The following CDH20 variants were observed in gnomAD, a reference collection of about 807,000 sequenced individuals.
CDH20 encodes cadherin-20.
Under a neutral mutation model 74.2 loss-of-function variants are expected in CDH20, and 29 were observed. The ratio of observed to expected loss-of-function variants is 0.39; its 90% CI spans 0.29 to 0.53. The LOEUF (loss-of-function observed/expected upper bound fraction) is 0.53, where lower values mean the gene tolerates loss of function less well. Ranked by LOEUF, CDH20 falls within the 20% of genes least tolerant of loss-of-function variation. The pLI, the probability that CDH20 is intolerant of heterozygous loss-of-function variation, is 0.69. For missense variants in CDH20, 988 were observed against 1,048.3 expected, an observed-to-expected ratio of 0.94 and a Z score of 0.79; for synonymous variants, 469 against 405.4, an observed-to-expected ratio of 1.16 and a Z score of -1.88.
rs915911050 is a variant in CDH20 at position 61,478,474 on chromosome 18, G to T, written c.-152-11928G>T. Among the ~76,000 whole-genome samples, 9 of 151,946 alleles carry T rather than the reference G, an allele frequency of 5.9e-5. No individual in the cohort carries two copies. In the East Asian group the frequency reaches 9.6e-4, roughly 16 times the overall value. On this transcript the variant is annotated intron_variant, in intron 1 of 11. Transcript: ENST00000262717. ...TACCTTTGATAAAGGTAGGGATAAA[G>T]GTTCTCTGGGAATCTTTCCCTACCT...
At chr18:61,359,034 A>G (rs993216728) in intron 1 of CDH20, among the ~76,000 whole-genome samples, 4 of 152,190 alleles carry the variant, frequency 2.6e-5, no homozygotes, top group African/African-American at 9.7e-5. Flanking sequence ...CCTCACAAAC[A>G]TCTCTAGAAA....
At position 61,538,608 on chromosome 18, in the gene CDH20, G is replaced by GTTTTTTTTTTTTTTTTTT. The variant is rs1449356386; in HGVS notation, c.1409-411_1409-410insTTTTTTTTTTTTTTTTTT. Among the ~76,000 whole-genome samples, 85 of 36,314 alleles carry GTTTTTTTTTTTTTTTTTT rather than the reference G, an allele frequency of 2.3e-3. 8 individuals carry two copies. The highest frequency in any genetic ancestry group is 4.2e-3 in the Non-Finnish European group (70 of 16,554). The allele number at this position is 36,314 out of a possible 152,430, so 23.8% of individuals were successfully genotyped here. A position where few individuals can be genotyped will look rare whatever the true frequency, so the allele number is the denominator to read the frequency against. On this transcript the variant is annotated intron_variant, in intron 8 of 11. Transcript: ENST00000262717. The stretch of plus-strand genomic sequence containing the variant: ...TGTTTGTTTGTTTGTTTTTGTTTTT[G>GTTTTTTTTTTTTTTTTTT]TTTTTGTTTTTGTTTTGTTTTTTTT...
chr18:61,356,134 C>G (rs1177198648), intron 1 of CDH20, among the ~76,000 whole-genome samples: 1 of 152,180 alleles, frequency 6.6e-6, no homozygotes, highest in African/African-American at 2.4e-5. Flanking sequence ...TTCTGTAATG[C>G]TAGACATGAG....
intron 1 of CDH20, among the ~76,000 whole-genome samples, chr18:61,352,485 C>G (rs1271022933): frequency 1.3e-5 from 2 of 152,108 alleles, no homozygotes; most frequent in East Asian, 3.8e-4. Context: ...TCTCTTTTTA[C>G]TATTTCTGGA....
intron 1 of CDH20, among the ~76,000 whole-genome samples, chr18:61,421,028 G>A (rs927557095): frequency 1.3e-5 from 2 of 152,104 alleles, no homozygotes; most frequent in Admixed American, 6.5e-5. Context: ...TCCAGTCTGG[G>A]TGACAGAGCG....
At chr18:61,540,039 A>C (rs1021657655) in intron 9 of CDH20, among the ~76,000 whole-genome samples, 14 of 152,196 alleles carry the variant, frequency 9.2e-5, no homozygotes, top group South Asian at 2.1e-4. Context: ...CTCCATTTGG[A>C]GTGCCCATGT....
At chr18:61,459,106 C>T (rs184327234) in intron 1 of CDH20, among the ~76,000 whole-genome samples, 10 of 152,038 alleles carry the variant, frequency 6.6e-5, no homozygotes, top group South Asian at 2.1e-4. Flanking sequence ...TAGCTTTGGT[C>T]GTATTATTAT....
intron 1 of CDH20, among the ~76,000 whole-genome samples, chr18:61,372,128 A>C (rs1040346911): frequency 1.3e-5 from 2 of 152,048 alleles, no homozygotes; most frequent in Non-Finnish European, 2.9e-5. Context: ...CACTAAATAA[A>C]AGTTATTTTT....
chr18:61,380,613 C>T (rs747964960), intron 1 of CDH20, among the ~76,000 whole-genome samples: 2 of 152,104 alleles, frequency 1.3e-5, no homozygotes, highest in Non-Finnish European at 2.9e-5. Context: ...AGTTCTATAC[C>T]AGCCTGACCA....
intron 1 of CDH20, among the ~76,000 whole-genome samples, chr18:61,421,951 C>T (rs569085392): frequency 2.2e-4 from 34 of 152,134 alleles, no homozygotes; most frequent in African/African-American, 3.9e-4. Context: ...TTTTCAATAA[C>T]GCTCATATCA....
chr18:61,455,925 C>T (rs568480065), intron 1 of CDH20, among the ~76,000 whole-genome samples: 9 of 152,180 alleles, frequency 5.9e-5, no homozygotes, highest in African/African-American at 1.2e-4. Context: ...AGCATCTTCA[C>T]GTTGAGCATT....
chr18:61,426,858 T>C (rs1471414994), intron 1 of CDH20, among the ~76,000 whole-genome samples: 1 of 152,168 alleles, frequency 6.6e-6, no homozygotes, highest in Non-Finnish European at 1.5e-5. Flanking sequence ...CAAGTATCCC[T>C]GGTAATCTCT....
At chr18:61,489,117 T>A (rs1910870481) in intron 1 of CDH20, among the ~76,000 whole-genome samples, 1 of 152,272 alleles carries the variant, frequency 6.6e-6, no homozygotes, top group African/African-American at 2.4e-5. Context: ...CCTCAGCTAC[T>A]TTCTCTATCA....
intron 1 of CDH20, among the ~76,000 whole-genome samples, chr18:61,349,266 T>C (rs1013434212): frequency 1.3e-5 from 2 of 152,282 alleles, no homozygotes; most frequent in Admixed American, 6.5e-5. Context: ...AATCCAAAAA[T>C]GAACAGGTGA....
At position 61,499,477 on chromosome 18, in the gene CDH20, G is replaced by A. The variant is rs748203202; in HGVS notation, c.538G>A (p.Val180Met). The A allele has an allele frequency of 6.3e-7, 1 of 1,597,620 alleles. No individual in the cohort carries two copies. Among genetic ancestry groups the A allele is most frequent in the South Asian group, 1.1e-5 (1 of 89,202 alleles). Residue 180 changes from valine to methionine, a missense_variant, in exon 3 of 12, where the codon GTG becomes ATG. By Grantham distance (21) the Val-to-Met change is conservative. This residue lies in a region of CDH20 where 613 missense variants were observed against 755.2 expected (regional missense o/e 0.81). Transcript: ENST00000262717. ...YVATVPEMSP[V>M]GTSVIQVTAT... The stretch of plus-strand genomic sequence containing the variant: ...GGCCACTGTGCCAGAAATGTCCCCT[G>A]TGGGTAAGGTGGTGACTCGCTGATT...
chr18:61,500,640 T>G, intron 4 of CDH20, 138 bp downstream of exon 4: 1 of 852,396 alleles, frequency 1.2e-6, no homozygotes, highest in Non-Finnish European at 1.7e-6. Context: ...AGCTTTAGGA[T>G]TAAGAGAGCA....
intron 1 of CDH20, among the ~76,000 whole-genome samples, chr18:61,379,760 A>T (rs536158365): frequency 6.6e-6 from 1 of 152,218 alleles, no homozygotes. Flanking sequence ...GAGTGTCCTG[A>T]TGTAATTTGC....
At chr18:61,552,209 T>C (rs536078400) in intron 11 of CDH20, among the ~76,000 whole-genome samples, 1 of 151,978 alleles carries the variant, frequency 6.6e-6, no homozygotes, top group South Asian at 2.1e-4. Context: ...ATGTATCTAG[T>C]GCCTAGAAAA....
At chr18:61,336,553 G>A (rs1909766615) in intron 1 of CDH20, among the ~76,000 whole-genome samples, 2 of 152,178 alleles carry the variant, frequency 1.3e-5, no homozygotes, top group African/African-American at 2.4e-5. Flanking sequence ...TTCCCCTGGT[G>A]GAGAAGTTAT....
Sources: allele counts gnomAD v4.1 joint callset (sites outside exome capture counted in the v4.1 genomes callset), GRCh38; gene constraint gnomAD v4.1.1; regional missense constraint gnomAD v4.1.1; transcripts MANE v1.5; gene names NCBI Gene and HGNC (gene_info 2026-07-23, HGNC 2026-07-21).